The following PPP1R14C variants were observed in gnomAD, a reference collection of about 807,000 sequenced individuals.
The protein encoded by PPP1R14C is protein phosphatase 1 regulatory subunit 14C.
A neutral mutation model predicts 20.4 loss-of-function variants in PPP1R14C; 16 were observed. The observed-to-expected ratio is 0.78, with a 90% CI of 0.53 to 1.19. The LOEUF (loss-of-function observed/expected upper bound fraction) is 1.19. Ranked by LOEUF, PPP1R14C falls within the 50% of genes most tolerant of loss-of-function variation. The pLI, the probability that PPP1R14C is intolerant of heterozygous loss-of-function variation, is 0.00. For missense variants in PPP1R14C, 211 were observed against 220.1 expected (o/e 0.96, Z 0.26); for synonymous variants, 91 against 91.0 (o/e 1.00, Z 0.00).
chr6:150,178,469 T>C (rs575149623), intron 1 of PPP1R14C, among the ~76,000 whole-genome samples: 21 of 152,292 alleles, frequency 1.4e-4, no homozygotes, highest in South Asian at 2.1e-4. Context: ...GTTGTGTCCC[T>C]CTCCTAATAT....
chr6:150,200,075 C>T (rs1055477064), intron 1 of PPP1R14C, among the ~76,000 whole-genome samples: 3 of 152,042 alleles, frequency 2.0e-5, no homozygotes, highest in Admixed American at 6.6e-5. Flanking sequence ...GTGTAATCCC[C>T]TTGGTACTCT....
chr6:150,179,928 A>G (rs1018004325), intron 1 of PPP1R14C, among the ~76,000 whole-genome samples: 6 of 152,200 alleles, frequency 3.9e-5, no homozygotes, highest in African/African-American at 1.2e-4. Context: ...TGGGCCAGGC[A>G]CGGTGGCTCC....
chr6:150,183,413 A>G (rs1345862102), intron 1 of PPP1R14C, among the ~76,000 whole-genome samples: 1 of 152,244 alleles, frequency 6.6e-6, no homozygotes, highest in African/African-American at 2.4e-5. Context: ...AGGGAAATTC[A>G]GTGTTCAGAA....
chr6:150,158,966 G>A (rs1777335244), intron 1 of PPP1R14C, among the ~76,000 whole-genome samples: 1 of 152,170 alleles, frequency 6.6e-6, no homozygotes. Flanking sequence ...ATGGCACTTT[G>A]GATAGAACAC....
At chr6:150,215,404 GTCAAA>G (rs1386046420) in intron 2 of PPP1R14C, among the ~76,000 whole-genome samples, 1 of 152,168 alleles carries the variant, frequency 6.6e-6, no homozygotes, top group African/African-American at 2.4e-5. Flanking sequence ...CCCACAGGAG[GTCAAA>G]TCTATCATTT....
intron 3 of PPP1R14C, among the ~76,000 whole-genome samples, chr6:150,230,637 C>T (rs969653375): frequency 3.3e-5 from 5 of 152,154 alleles, no homozygotes; most frequent in East Asian, 3.8e-4. Context: ...TTAGAGCTTG[C>T]GTAATGTATA....
At chr6:150,235,753 A>G (rs1005556933) in intron 3 of PPP1R14C, among the ~76,000 whole-genome samples, 1 of 151,864 alleles carries the variant, frequency 6.6e-6, no homozygotes, top group African/African-American at 2.4e-5. Flanking sequence ...TTTCTAATTT[A>G]TAAGACAGCT....
At chr6:150,189,048 A>G (rs9383711) in intron 1 of PPP1R14C, among the ~76,000 whole-genome samples, 93,711 of 151,468 alleles carry the variant, frequency 0.62, 30,321 homozygotes, top group African/African-American at 0.82. Context: ...TAGTAGAGAC[A>G]GGATTTTGCC....
At chr6:150,225,563 T>C (rs915486389) in intron 3 of PPP1R14C, among the ~76,000 whole-genome samples, 1 of 152,048 alleles carries the variant, frequency 6.6e-6, no homozygotes, top group Non-Finnish European at 1.5e-5. Context: ...CTAAAAAGAG[T>C]TGTGGATTTT....
intron 1 of PPP1R14C, among the ~76,000 whole-genome samples, chr6:150,166,623 C>G (rs1484117589): frequency 6.6e-6 from 1 of 152,230 alleles, no homozygotes; most frequent in African/African-American, 2.4e-5. Flanking sequence ...TTATTGTCCA[C>G]CACTGCCCAT....
chr6:150,152,931 G>C (rs897101693), intron 1 of PPP1R14C, among the ~76,000 whole-genome samples: 7 of 152,230 alleles, frequency 4.6e-5, no homozygotes, highest in African/African-American at 1.4e-4. Flanking sequence ...TTAGTGTTAG[G>C]TGAGGTCGTG....
intron 3 of PPP1R14C, among the ~76,000 whole-genome samples, chr6:150,237,557 G>C (rs1364011234): frequency 6.6e-6 from 1 of 152,078 alleles, no homozygotes; most frequent in East Asian, 1.9e-4. Flanking sequence ...AGTGTAGTCT[G>C]ATGATGATGA....
intron 3 of PPP1R14C, among the ~76,000 whole-genome samples, chr6:150,226,627 TA>T (rs1043375080): frequency 5.9e-5 from 9 of 152,124 alleles, no homozygotes; most frequent in Non-Finnish European, 1.2e-4. Flanking sequence ...TGAGCTTTTT[TA>T]AAAAAATCTC....
intron 1 of PPP1R14C, among the ~76,000 whole-genome samples, chr6:150,206,856 G>A (rs991747686): frequency 6.8e-6 from 1 of 147,016 alleles, no homozygotes; most frequent in East Asian, 2.0e-4. Flanking sequence ...GTTTTTTTTT[G>A]TTTGTTTCTG....
In PPP1R14C at chr6:150,249,167, G is replaced by C. The variant is rs1260159065; in HGVS notation, c.*347G>C. On this transcript the variant is annotated 3_prime_UTR_variant, in exon 4 of 4. Coordinates refer to ENST00000361131, the MANE Select transcript of PPP1R14C (RefSeq NM_030949.3). ...GTTCAGTACCTTATGATACAGGGAA[G>C]ATAGTTTTCTTACAAGTAGTTTGGT... 5 of 399,226 alleles carry C rather than the reference G, an allele frequency of 1.3e-5. No homozygotes were observed. Among genetic ancestry groups the C allele is most frequent in the Non-Finnish European group, 2.2e-5 (5 of 226,818 alleles). The allele number at this position is 399,226 out of a possible 1,614,324, so 24.7% of individuals were successfully genotyped here. A position where few individuals can be genotyped will look rare whatever the true frequency, so the allele number is the denominator to read the frequency against.
chr6:150,230,528 G>A lies in PPP1R14C; in HGVS notation c.423+13672G>A, dbSNP rs147813300. ...TCTCTCCCGTCCCCCCACCCTCTGCGTAGGGAATGGATGGGTCTTTTTTTG... is the reference window on the plus strand; with the variant it reads ...TCTCTCCCGTCCCCCCACCCTCTGCATAGGGAATGGATGGGTCTTTTTTTG... On this transcript the variant is annotated intron_variant, in intron 3 of 3. Transcript: ENST00000361131. Among the ~76,000 whole-genome samples, 284 of 152,292 alleles carry A rather than the reference G, an allele frequency of 1.9e-3. 2 individuals carry two copies. The highest frequency in any genetic ancestry group is 6.3e-3 in the African/African-American group (262 of 41,566).
chr6:150,195,030 A>G, intron 1 of PPP1R14C: 3 of 984,896 alleles, frequency 3.0e-6, no homozygotes, highest in Non-Finnish European at 3.6e-6. Flanking sequence ...TAGAGCAGTT[A>G]CTAGTTATAG....
intron 1 of PPP1R14C, among the ~76,000 whole-genome samples, chr6:150,153,612 G>T (rs1777274713): frequency 6.6e-6 from 1 of 152,230 alleles, no homozygotes; most frequent in Non-Finnish European, 1.5e-5. Context: ...GAACAAGAAT[G>T]AAAGCCTGGA....
chr6:150,152,717 T>C (rs1777263679), intron 1 of PPP1R14C, among the ~76,000 whole-genome samples: 1 of 152,266 alleles, frequency 6.6e-6, no homozygotes, highest in Non-Finnish European at 1.5e-5. Context: ...CCAGGGTCCC[T>C]CTTTCTGTAA....
Sources: gnomAD v4.1 joint callset for allele counts (sites outside exome capture counted in the v4.1 genomes callset) on GRCh38, gnomAD v4.1.1 for gene constraint, MANE v1.5 for transcripts, NCBI Gene and HGNC (gene_info 2026-07-23, HGNC 2026-07-21) for gene names.